The following SLC49A4 variants were observed in gnomAD, a reference collection of about 807,000 sequenced individuals.
SLC49A4 encodes disrupted in renal cancer protein 2.
SLC49A4 carries 36 observed loss-of-function variants against 50.6 expected under a neutral mutation model. The observed-to-expected ratio is 0.71, with a 90% CI of 0.55 to 0.94. The LOEUF (loss-of-function observed/expected upper bound fraction) is 0.94. Among genes scored for constraint, SLC49A4 ranks in the 40% least tolerant of loss-of-function variants. The pLI is 0.00. For missense variants in SLC49A4, 503 were observed against 605.7 expected (o/e 0.83, Z 1.78); for synonymous variants, 248 against 241.2 (o/e 1.03, Z -0.26).
chr3:122,811,965 C>CT (rs907867036), intron 2 of SLC49A4, among the ~76,000 whole-genome samples: 48 of 149,108 alleles, frequency 3.2e-4, no homozygotes, highest in African/African-American at 5.7e-4. Context: ...CATATATTAG[C>CT]TTTTTTTTTT....
At chr3:122,858,620 C>G (rs1937019724) in intron 6 of SLC49A4, among the ~76,000 whole-genome samples, 1 of 151,934 alleles carries the variant, frequency 6.6e-6, no homozygotes, top group Non-Finnish European at 1.5e-5. Flanking sequence ...CATATCATGT[C>G]AAATAAGTAC....
At chr3:122,815,093 C>A (rs1447425429) in intron 2 of SLC49A4, among the ~76,000 whole-genome samples, 2 of 151,292 alleles carry the variant, frequency 1.3e-5, no homozygotes, top group Non-Finnish European at 2.9e-5. Flanking sequence ...GTGACTGCAT[C>A]TTCTTTTTTT....
At chr3:122,864,850 C>T (rs1441983085) in intron 7 of SLC49A4, among the ~76,000 whole-genome samples, 1 of 151,920 alleles carries the variant, frequency 6.6e-6, no homozygotes, top group Non-Finnish European at 1.5e-5. Context: ...CATGTCCCTA[C>T]AAAAAATAAA....
At chr3:122,877,080 TGTTA>T (rs1188124143) in intron 8 of SLC49A4, among the ~76,000 whole-genome samples, 6 of 152,338 alleles carry the variant, frequency 3.9e-5, no homozygotes, top group Admixed American at 3.3e-4. Flanking sequence ...CTCGCGATTC[TGTTA>T]GTTCATCTAC....
At chr3:122,875,441 C>T (rs556813497) in intron 8 of SLC49A4, among the ~76,000 whole-genome samples, 1 of 152,218 alleles carries the variant, frequency 6.6e-6, no homozygotes, top group Non-Finnish European at 1.5e-5. Context: ...ACGTTGGCCT[C>T]CCAGCCTCAA....
chr3:122,858,854 G>A (rs1937022939), intron 6 of SLC49A4, among the ~76,000 whole-genome samples: 2 of 152,314 alleles, frequency 1.3e-5, no homozygotes, highest in East Asian at 1.9e-4. Context: ...GTGAGGAAAA[G>A]CAGCTGGCAA....
intron 4 of SLC49A4, among the ~76,000 whole-genome samples, chr3:122,842,913 A>G (rs2107572693): frequency 6.6e-6 from 1 of 152,104 alleles, no homozygotes; most frequent in East Asian, 1.9e-4. Flanking sequence ...TTCCCTTCCT[A>G]CCAGTGTAAT....
chr3:122,848,891 T>C (rs1410935107), intron 5 of SLC49A4, among the ~76,000 whole-genome samples: 3 of 152,202 alleles, frequency 2.0e-5, no homozygotes, highest in Non-Finnish European at 4.4e-5. Context: ...CCTACTGTAC[T>C]ATCAAGTACT....
intron 2 of SLC49A4, among the ~76,000 whole-genome samples, chr3:122,814,402 G>T (rs1020679711): frequency 2.6e-5 from 4 of 152,142 alleles, no homozygotes; most frequent in African/African-American, 4.8e-5. Flanking sequence ...AATGCAAACT[G>T]GGAGAAATAT....
rs1194285057 is a variant in SLC49A4 at position 122,833,435 on chromosome 3, T to TA, written c.823dup (p.Arg275LysfsTer121). 1 of 1,613,488 alleles carries TA rather than the reference T, an allele frequency of 6.2e-7. No homozygotes were observed. The highest frequency in any genetic ancestry group is 8.5e-7 in the Non-Finnish European group (1 of 1,179,584). The stretch of plus-strand genomic sequence containing the variant: ...GGCTGAGTTATCGGAGAAGCGTTTG[T>TA]AGATTATTAAGGTAAATATACTGAG... On this transcript the variant is annotated frameshift_variant, in exon 4 of 9. Coordinates refer to ENST00000261038, the MANE Select transcript of SLC49A4 (RefSeq NM_032839.3). LOFTEE classifies it high-confidence loss of function.
intron 2 of SLC49A4, among the ~76,000 whole-genome samples, chr3:122,812,576 G>T (rs1278701060): frequency 1.3e-5 from 2 of 152,164 alleles, no homozygotes; most frequent in Non-Finnish European, 2.9e-5. Flanking sequence ...AGAATGAGCA[G>T]TTTTAACAAG....
chr3:122,822,276 G>A (rs965448198), intron 2 of SLC49A4, among the ~76,000 whole-genome samples: 3 of 152,184 alleles, frequency 2.0e-5, no homozygotes, highest in Non-Finnish European at 4.4e-5. Context: ...CTGAGAGCCA[G>A]CTTCTTTCAT....
Position 122,806,956 on chromosome 3 carries a change from T to G in SLC49A4, c.437+6T>G, listed in dbSNP as rs751824642. The G allele has an allele frequency of 5.9e-6, 9 of 1,518,788 alleles. No individual in the cohort carries two copies. The highest frequency in any genetic ancestry group is 8.2e-6 in the Non-Finnish European group (9 of 1,099,836). The allele number at this position is 1,518,788 out of a possible 1,614,324, so 94.1% of individuals were successfully genotyped here. ...GACTTAATCCTTAAAAGAAGGTAAATCCTGTAAATAACATTTCTCCCCCAT... is the reference window on the plus strand; with the variant it reads ...GACTTAATCCTTAAAAGAAGGTAAAGCCTGTAAATAACATTTCTCCCCCAT... On this transcript the variant is annotated splice_donor_region_variant and intron_variant, in intron 2 of 8. Transcript: ENST00000261038.
chr3:122,870,816 C>CAAT lies in SLC49A4; in HGVS notation c.1139-1574_1139-1572dup, dbSNP rs199524636. Among the ~76,000 whole-genome samples, 639 of 147,356 alleles carry CAAT rather than the reference C, an allele frequency of 4.3e-3. 4 individuals are homozygous for CAAT. Among genetic ancestry groups the CAAT allele is most frequent in the Non-Finnish European group, 2.9e-3 (197 of 67,010 alleles). ...GCAACAGAGCAAGACTCCATCTCAA[C>CAAT]AATAATAATAATAATAATAATAATA... On this transcript the variant is annotated intron_variant, in intron 7 of 8. Coordinates refer to ENST00000261038, the MANE Select transcript of SLC49A4 (RefSeq NM_032839.3).
chr3:122,875,837 T>C (rs1395794777), intron 8 of SLC49A4, among the ~76,000 whole-genome samples: 1 of 152,186 alleles, frequency 6.6e-6, no homozygotes, highest in African/African-American at 2.4e-5. Flanking sequence ...ATATCTTGCC[T>C]AGCAAGCTAG....
intron 8 of SLC49A4, among the ~76,000 whole-genome samples, 186 bp downstream of exon 8, chr3:122,872,783 C>T (rs921108587): frequency 1.3e-5 from 2 of 151,928 alleles, no homozygotes; most frequent in African/African-American, 2.4e-5. Flanking sequence ...TCAAGTGCAC[C>T]CTCACTCTTC....
At chr3:122,821,273 CT>C (rs1936448438) in intron 2 of SLC49A4, among the ~76,000 whole-genome samples, 1 of 152,164 alleles carries the variant, frequency 6.6e-6, no homozygotes, top group Non-Finnish European at 1.5e-5. Flanking sequence ...CTCTCATTCA[CT>C]TTTCCATCTG....
chr3:122,796,676 T>C (rs1936045907), intron 1 of SLC49A4, among the ~76,000 whole-genome samples: 1 of 152,206 alleles, frequency 6.6e-6, no homozygotes, highest in Non-Finnish European at 1.5e-5. Flanking sequence ...CCTAATCACC[T>C]TCCAAAGGCT....
chr3:122,875,255 A>G (rs41372252), intron 8 of SLC49A4, among the ~76,000 whole-genome samples: 8,117 of 152,320 alleles, frequency 0.053, 274 homozygotes, highest in Middle Eastern at 0.14. Flanking sequence ...GCCAGTGTTC[A>G]TATGTCATTA....
Sources: allele counts gnomAD v4.1 joint callset (sites outside exome capture counted in the v4.1 genomes callset), GRCh38; gene constraint gnomAD v4.1.1; transcripts MANE v1.5; gene names NCBI Gene and HGNC (gene_info 2026-07-23, HGNC 2026-07-21).